The following INTS6 variants were observed in gnomAD, a reference collection of about 807,000 sequenced individuals.
INTS6 encodes integrator complex subunit 6, also known as DEAD box protein.
INTS6 carries 16 observed loss-of-function variants against 104.9 expected under a neutral mutation model. That is an observed-to-expected ratio of 0.15 (90% confidence interval 0.10 to 0.23). The LOEUF (loss-of-function observed/expected upper bound fraction) is 0.23. Among genes scored for constraint, INTS6 ranks in the 10% least tolerant of loss-of-function variants. The pLI is 1.00. For synonymous variants in INTS6, 324 were observed against 358.7 expected (o/e 0.90, Z 1.09); for missense variants, 584 against 1,062.8 (o/e 0.55, Z 6.26).
intron 4 of INTS6, among the ~76,000 whole-genome samples, chr13:51,400,803 G>A (rs935808597): frequency 1.1e-4 from 17 of 152,230 alleles, no homozygotes; most frequent in Middle Eastern, 3.4e-3. Context: ...TGTTGATTAC[G>A]GGAAGGGAAA....
the INTS6 span, among the ~76,000 whole-genome samples, chr13:51,336,486 CA>C: frequency 7.3e-5 from 11 of 150,542 alleles, no homozygotes; most frequent in Admixed American, 2.0e-4. Flanking sequence ...AACCCTGTCT[CA>C]AAAAAAAATT....
At chr13:51,368,744 C>T (rs1208694405) in intron 16 of INTS6, among the ~76,000 whole-genome samples, 195 bp downstream of exon 16, 2 of 152,092 alleles carry the variant, frequency 1.3e-5, no homozygotes, top group Non-Finnish European at 2.9e-5. Context: ...CTGCCTACCA[C>T]CATACCTAGT....
At chr13:51,367,702 T>C in intron 17 of INTS6, 103 bp downstream of exon 17, 1 of 635,790 alleles carries the variant, frequency 1.6e-6, no homozygotes, top group African/African-American at 1.9e-5. Flanking sequence ...GCCATATACA[T>C]TTATAAACAA....
chr13:51,406,518 ACCT>A (rs965349861), intron 4 of INTS6, among the ~76,000 whole-genome samples: 3 of 152,116 alleles, frequency 2.0e-5, no homozygotes, highest in African/African-American at 7.2e-5. Flanking sequence ...TACTGATTTA[ACCT>A]CCTAAGTATC....
chr13:51,349,758 G>T (rs1593640173), downstream of INTS6, among the ~76,000 whole-genome samples: 1 of 152,286 alleles, frequency 6.6e-6, no homozygotes, highest in Middle Eastern at 3.4e-3. Context: ...GGCAGGGAAG[G>T]CAAGGCAAGG....
At chr13:51,423,294 CT>C (rs35915609) in intron 4 of INTS6, among the ~76,000 whole-genome samples, 135 of 152,030 alleles carry the variant, frequency 8.9e-4, no homozygotes, top group African/African-American at 2.9e-3. Context: ...ATCACCAATT[CT>C]TTATAAACTG....
At position 51,374,700 on chromosome 13, in the gene INTS6, G is replaced by A. The variant is rs778184413; in HGVS notation, c.1826C>T (p.Pro609Leu). ...GTTGCCAAATGTATGCAACCTTCGTGGCTGATCAGGATCAAGTTCTCTTAG... is the reference window on the plus strand; with the variant it reads ...GTTGCCAAATGTATGCAACCTTCGTAGCTGATCAGGATCAAGTTCTCTTAG... ...SPLRELDPDQ[P>L]RRLHTFGNPF... The change falls in exon 14 of 18, where the codon CCA (proline) becomes CTA (leucine). Residue 609 changes from proline to leucine, a missense_variant. Physicochemically the swap from Pro to Leu is moderately conservative, Grantham distance 98. Coordinates refer to ENST00000311234, the MANE Select transcript of INTS6 (RefSeq NM_012141.3). The A allele has an allele frequency of 6.2e-7, 1 of 1,613,342 alleles. No homozygotes were observed. The highest frequency in any genetic ancestry group is 2.2e-5 in the East Asian group (1 of 44,842).
Position 51,379,587 on chromosome 13 carries a change from A to G in INTS6, c.1276-15T>C. 1 of 1,427,354 alleles carries G rather than the reference A, an allele frequency of 7.0e-7. No individual in the cohort carries two copies. The highest frequency in any genetic ancestry group is 1.4e-5 in the African/African-American group (1 of 70,042). The allele number at this position is 1,427,354 out of a possible 1,614,324, so 88.4% of individuals were successfully genotyped here. On this transcript the variant is annotated splice_polypyrimidine_tract_variant and intron_variant, in intron 10 of 17. Coordinates refer to ENST00000311234, the MANE Select transcript of INTS6 (RefSeq NM_012141.3). ...TTCTTCAAGGGCTATAGGAAAAAAG[A>G]AAACATCATTCAATATTAAGCTTAT...
chr13:51,402,084 T>C (rs1363408858), intron 4 of INTS6, among the ~76,000 whole-genome samples: 1 of 152,196 alleles, frequency 6.6e-6, no homozygotes, highest in African/African-American at 2.4e-5. Context: ...TTACTCTTCA[T>C]ACAAAGGAGT....
chr13:51,395,935 T>A (rs1956328641), intron 4 of INTS6, among the ~76,000 whole-genome samples: 1 of 152,066 alleles, frequency 6.6e-6, no homozygotes. Flanking sequence ...GTAGCTGGGA[T>A]TACAGGTACG....
chr13:51,430,257 G>A (rs1389953219), intron 4 of INTS6, 37 bp downstream of exon 4: 2 of 1,529,134 alleles, frequency 1.3e-6, no homozygotes. Context: ...TTGTTCAACT[G>A]CATTTGCATA....
intron 4 of INTS6, among the ~76,000 whole-genome samples, chr13:51,406,609 C>T (rs564083510): frequency 3.9e-5 from 6 of 152,266 alleles, no homozygotes; most frequent in African/African-American, 9.6e-5. Flanking sequence ...AATGCTCCAA[C>T]GGAGACCACT....
intron 15 of INTS6, among the ~76,000 whole-genome samples, chr13:51,371,164 T>C (rs979662704): frequency 6.6e-6 from 1 of 152,206 alleles, no homozygotes; most frequent in South Asian, 2.1e-4. Flanking sequence ...ACCTCCCAGG[T>C]GATTCACATG....
At chr13:51,379,677 T>G (rs1316095269) in intron 10 of INTS6, 105 bp from the exon 11 acceptor site, 2 of 526,898 alleles carry the variant, frequency 3.8e-6, no homozygotes, top group African/African-American at 2.0e-5. Context: ...TTTCCCCTTC[T>G]TTTCCTCAAT....
At chr13:51,422,827 C>T (rs1019967597) in intron 4 of INTS6, among the ~76,000 whole-genome samples, 2 of 152,080 alleles carry the variant, frequency 1.3e-5, no homozygotes, top group African/African-American at 4.8e-5. Flanking sequence ...TTCCATACTC[C>T]AGGTGTACAA....
intron 4 of INTS6, chr13:51,423,094 G>C (rs899990475): frequency 1.6e-4 from 207 of 1,272,348 alleles, no homozygotes; most frequent in Non-Finnish European, 1.9e-4. Flanking sequence ...CCAGTACCTA[G>C]AACATAAATA....
chr13:51,416,767 T>C (rs962098505), intron 4 of INTS6, among the ~76,000 whole-genome samples: 2 of 152,208 alleles, frequency 1.3e-5, no homozygotes, highest in African/African-American at 4.8e-5. Flanking sequence ...TAGCATAAGG[T>C]AACTCTATGT....
At chr13:51,414,987 G>C (rs1956760642) in intron 4 of INTS6, among the ~76,000 whole-genome samples, 1 of 151,862 alleles carries the variant, frequency 6.6e-6, no homozygotes, top group Admixed American at 6.6e-5. Context: ...CGAAAGTCAA[G>C]AATATCCAAA....
chr13:51,362,996 G>A lies in INTS6; in HGVS notation c.*2756C>T, dbSNP rs1047866838. 2 of 151,788 alleles carry A rather than the reference G, an allele frequency of 1.3e-5. No homozygotes were observed. The highest frequency in any genetic ancestry group is 2.4e-5 in the African/African-American group (1 of 41,362). 9.4% of individuals were successfully genotyped at this position (151,788 alleles called of 1,614,324 possible). A position where few individuals can be genotyped will look rare whatever the true frequency, so the allele number is the denominator to read the frequency against. Reference sequence around the variant, plus strand: ...ATATCACTTATCACCCAGAACAGGCGGCAGAGAGCCTTCTCTTAGAAAGGA... The same window carrying A: ...ATATCACTTATCACCCAGAACAGGCAGCAGAGAGCCTTCTCTTAGAAAGGA... On this transcript the variant is annotated 3_prime_UTR_variant, in exon 18 of 18. Coordinates refer to ENST00000311234, the MANE Select transcript of INTS6 (RefSeq NM_012141.3).
Sources: gnomAD v4.1 joint callset for allele counts (sites outside exome capture counted in the v4.1 genomes callset) on GRCh38, gnomAD v4.1.1 for gene constraint, MANE v1.5 for transcripts, NCBI Gene and HGNC (gene_info 2026-07-23, HGNC 2026-07-21) for gene names.